Variants in PPP3R1 observed in about 807,000 individuals in gnomAD.
PPP3R1 encodes calcineurin subunit B type 1.
Under a neutral mutation model 22.6 loss-of-function variants are expected in PPP3R1, and 5 were observed. The ratio of observed to expected loss-of-function variants is 0.22; its 90% CI spans 0.12 to 0.46. PPP3R1 has a LOEUF of 0.46. Among genes scored for constraint, PPP3R1 ranks in the 20% least tolerant of loss-of-function variants. The probability of loss-of-function intolerance (pLI) is 0.99; values close to 1 mark genes in which losing one functional copy is unlikely to be tolerated. For synonymous variants in PPP3R1, 56 were observed against 65.2 expected (o/e 0.86, Z 0.68); for missense variants, 61 against 203.2 (o/e 0.30, Z 4.25).
intron 2 of PPP3R1, among the ~76,000 whole-genome samples, chr2:68,194,963 GAAAC>G (rs1316276594): frequency 2.0e-5 from 3 of 151,974 alleles, no homozygotes; most frequent in Admixed American, 6.6e-5. Context: ...TATTTTGAAA[GAAAC>G]AACTATATGT....
intron 1 of PPP3R1, among the ~76,000 whole-genome samples, chr2:68,241,287 A>G (rs1670124666): frequency 1.3e-5 from 2 of 152,140 alleles, no homozygotes; most frequent in African/African-American, 2.4e-5. Context: ...CTAAATTTTT[A>G]TTTGTATTAT....
chr2:68,203,628 G>A (rs1005020685), intron 2 of PPP3R1, among the ~76,000 whole-genome samples: 3 of 150,722 alleles, frequency 2.0e-5, no homozygotes, highest in Admixed American at 6.6e-5. Context: ...TGAAATGAAA[G>A]AGGAAATCAA....
At chr2:68,200,614 C>A (rs2103744233) in intron 2 of PPP3R1, among the ~76,000 whole-genome samples, 1 of 152,278 alleles carries the variant, frequency 6.6e-6, no homozygotes, top group East Asian at 1.9e-4. Flanking sequence ...AGCTTGATGA[C>A]AAAGTGAGGT....
intron 2 of PPP3R1, among the ~76,000 whole-genome samples, chr2:68,211,406 CAAAAA>C (rs3979551): frequency 7.8e-5 from 6 of 77,394 alleles, no homozygotes; most frequent in Non-Finnish European, 9.2e-5. Context: ...GACTCTGTCT[CAAAAA>C]AAAAAAAAAA....
At chr2:68,235,221 T>C (rs1190339478) in intron 1 of PPP3R1, among the ~76,000 whole-genome samples, 2 of 152,182 alleles carry the variant, frequency 1.3e-5, no homozygotes, top group African/African-American at 4.8e-5. Context: ...TATTGAAATA[T>C]AATTTATATA....
At chr2:68,233,497 G>A (rs918623638) in intron 1 of PPP3R1, among the ~76,000 whole-genome samples, 20 of 151,914 alleles carry the variant, frequency 1.3e-4, no homozygotes, top group Non-Finnish European at 1.2e-4. Context: ...GCAAATTCTC[G>A]AAATACTGAG....
At chr2:68,244,098 G>A (rs926019870) in intron 1 of PPP3R1, among the ~76,000 whole-genome samples, 1 of 152,066 alleles carries the variant, frequency 6.6e-6, no homozygotes. Context: ...TTAACATACG[G>A]ATCTAAAACA....
chr2:68,184,830 G>A (rs1115793), intron 5 of PPP3R1, among the ~76,000 whole-genome samples: 113,373 of 152,140 alleles, frequency 0.75, 43,297 homozygotes, highest in African/African-American at 0.93. Flanking sequence ...GCTCGTGCCT[G>A]TAATCCCAAT....
intron 1 of PPP3R1, among the ~76,000 whole-genome samples, chr2:68,220,743 AAAG>A (rs1412832324): frequency 6.6e-6 from 1 of 152,220 alleles, no homozygotes; most frequent in Non-Finnish European, 1.5e-5. Flanking sequence ...ATGGTAAGTA[AAAG>A]AAGCCAAAAA....
At chr2:68,208,445 G>C (rs879440865) in intron 2 of PPP3R1, among the ~76,000 whole-genome samples, 7 of 152,098 alleles carry the variant, frequency 4.6e-5, no homozygotes, top group Admixed American at 3.9e-4. Context: ...CAGAAAAATG[G>C]GCATGGCTAT....
At chr2:68,198,405 G>A (rs1476973051) in intron 2 of PPP3R1, among the ~76,000 whole-genome samples, 2 of 81,836 alleles carry the variant, frequency 2.4e-5, no homozygotes, top group Admixed American at 1.3e-4. Flanking sequence ...ATATATATGT[G>A]TATGTATATG....
At chr2:68,194,481 T>G (rs1445549221) in intron 2 of PPP3R1, among the ~76,000 whole-genome samples, 1 of 152,086 alleles carries the variant, frequency 6.6e-6, no homozygotes, top group Admixed American at 6.6e-5. Context: ...CAATATAATA[T>G]TAATAGAAAT....
chr2:68,212,014 T>C (rs1669496426), intron 2 of PPP3R1, among the ~76,000 whole-genome samples: 1 of 152,260 alleles, frequency 6.6e-6, no homozygotes, highest in Non-Finnish European at 1.5e-5. Flanking sequence ...TTTATACTGA[T>C]ATTTTGACTT....
chr2:68,201,841 T>C (rs1452806089), intron 2 of PPP3R1, among the ~76,000 whole-genome samples: 10 of 152,216 alleles, frequency 6.6e-5, no homozygotes, highest in Non-Finnish European at 1.3e-4. Flanking sequence ...TGTGAAGAAG[T>C]CCAATGCCAG....
At chr2:68,243,902 G>A (rs940801780) in intron 1 of PPP3R1, among the ~76,000 whole-genome samples, 19 of 151,290 alleles carry the variant, frequency 1.3e-4, no homozygotes, top group Admixed American at 7.9e-4. Context: ...TGCCACAGGC[G>A]GGAAAAAAAA....
intron 2 of PPP3R1, among the ~76,000 whole-genome samples, chr2:68,208,477 T>C (rs1018679502): frequency 6.6e-6 from 1 of 152,216 alleles, no homozygotes; most frequent in Non-Finnish European, 1.5e-5. Flanking sequence ...TATGTTTTAT[T>C]AATAAAAACT....
chr2:68,195,735 T>C (rs934246382), intron 2 of PPP3R1, among the ~76,000 whole-genome samples: 1 of 152,180 alleles, frequency 6.6e-6, no homozygotes, highest in Non-Finnish European at 1.5e-5. Flanking sequence ...ACCATTTATT[T>C]ATTAAAATAC....
At chr2:68,227,548 C>T (rs1558639829) in intron 1 of PPP3R1, among the ~76,000 whole-genome samples, 1 of 150,524 alleles carries the variant, frequency 6.6e-6, no homozygotes, top group Non-Finnish European at 1.5e-5. Flanking sequence ...ATACCTATGA[C>T]AGATCCAAGC....
At chr2:68,187,805 T>G (rs1247716951) in intron 3 of PPP3R1, among the ~76,000 whole-genome samples, 2 of 152,190 alleles carry the variant, frequency 1.3e-5, no homozygotes, top group Admixed American at 6.5e-5. Flanking sequence ...CACTTATAAT[T>G]GTCCAAACTA....
Sources: gnomAD v4.1 joint callset for allele counts (sites outside exome capture counted in the v4.1 genomes callset) on GRCh38, gnomAD v4.1.1 for gene constraint, MANE v1.5 for transcripts, NCBI Gene and HGNC (gene_info 2026-07-23, HGNC 2026-07-21) for gene names.